The following PSEN1 variants were observed in gnomAD, a reference collection of about 807,000 sequenced individuals.
PSEN1 encodes presenilin 1, also known as presenilin-1.
A neutral mutation model predicts 53.5 loss-of-function variants in PSEN1; 15 were observed. The ratio of observed to expected loss-of-function variants is 0.28; its 90% confidence interval spans 0.19 to 0.43. PSEN1 has a LOEUF of 0.43. Among genes scored for constraint, PSEN1 ranks in the 20% least tolerant of loss-of-function variants. The probability of loss-of-function intolerance (pLI) is 1.00; values close to 1 mark genes in which losing one functional copy is unlikely to be tolerated. For synonymous variants in PSEN1, 208 were observed against 209.8 expected (o/e 0.99, Z 0.08); for missense variants, 387 against 571.2 (o/e 0.68, Z 3.29).
At chr14:73,178,311 C>T (rs1259187727) in intron 5 of PSEN1, among the ~76,000 whole-genome samples, 1 of 151,392 alleles carries the variant, frequency 6.6e-6, no homozygotes, top group African/African-American at 2.4e-5. Flanking sequence ...CCTCAGCCTC[C>T]CAAGTACCTG....
chr14:73,179,043 T>G lies in PSEN1; in HGVS notation c.480+5336T>G, dbSNP rs867911808. Among the ~76,000 whole-genome samples the G allele has an allele frequency of 3.3e-5, 5 of 152,296 alleles. No homozygotes were observed. In the South Asian group the frequency reaches 1.0e-3, roughly 32 times the overall value. The stretch of plus-strand genomic sequence containing the variant: ...CAAGTTTATAAACAGCTTTAAGAGA[T>G]TGCTTTCATGAGTTTCTTTCTTTCT... On this transcript the variant is annotated intron_variant, in intron 5 of 11. Transcript: ENST00000324501.
intron 9 of PSEN1, 66 bp downstream of exon 9, chr14:73,206,538 C>A: frequency 1.8e-6 from 2 of 1,111,116 alleles, no homozygotes; most frequent in Non-Finnish European, 2.7e-6. Context: ...AACAGTATAG[C>A]AATGTTTTTA....
chr14:73,213,398 C>G (rs3025787), intron 10 of PSEN1, among the ~76,000 whole-genome samples: 10,577 of 152,014 alleles, frequency 0.07, 532 homozygotes, highest in South Asian at 0.19. Context: ...TCCTCCTCTT[C>G]GTCTCCAACT....
intron 10 of PSEN1, among the ~76,000 whole-genome samples, chr14:73,215,970 C>G (rs1899896110): frequency 6.6e-6 from 1 of 152,160 alleles, no homozygotes; most frequent in Non-Finnish European, 1.5e-5. Context: ...GAAATGAAAA[C>G]AGTCCGTCCC....
At chr14:73,179,508 T>C (rs1220004871) in intron 5 of PSEN1, among the ~76,000 whole-genome samples, 1 of 151,896 alleles carries the variant, frequency 6.6e-6, no homozygotes, top group East Asian at 1.9e-4. Flanking sequence ...TTCCAGTTAC[T>C]CAGGAGGCTG....
At chr14:73,151,708 C>T (rs547011941) in intron 3 of PSEN1, among the ~76,000 whole-genome samples, 1 of 151,574 alleles carries the variant, frequency 6.6e-6, no homozygotes, top group South Asian at 2.1e-4. Context: ...GCTGGGACCA[C>T]AGGCTCATGC....
At chr14:73,162,197 A>G (rs1174243564) in intron 3 of PSEN1, among the ~76,000 whole-genome samples, 1 of 150,864 alleles carries the variant, frequency 6.6e-6, no homozygotes, top group Non-Finnish European at 1.5e-5. Context: ...AAAAAAAGTT[A>G]AATAGAAAAA....
intron 5 of PSEN1, among the ~76,000 whole-genome samples, chr14:73,185,014 C>T (rs1273077076): frequency 8.6e-5 from 13 of 151,378 alleles, no homozygotes; most frequent in Non-Finnish European, 1.3e-4. Flanking sequence ...GATGGGCGGC[C>T]GGGCAGAGAC....
At chr14:73,140,364 C>A (rs1459522410) in intron 1 of PSEN1, among the ~76,000 whole-genome samples, 1 of 151,788 alleles carries the variant, frequency 6.6e-6, no homozygotes, top group Non-Finnish European at 1.5e-5. Context: ...GCGTGTGCCA[C>A]CACACTGGGC....
chr14:73,182,796 G>A (rs1194305622), intron 5 of PSEN1, among the ~76,000 whole-genome samples: 2 of 152,088 alleles, frequency 1.3e-5, no homozygotes, highest in Non-Finnish European at 2.9e-5. Context: ...CCAAGACCAT[G>A]CTACTGCACT....
chr14:73,181,449 A>G (rs1019787489), intron 5 of PSEN1, among the ~76,000 whole-genome samples: 4 of 152,114 alleles, frequency 2.6e-5, no homozygotes, highest in African/African-American at 9.7e-5. Flanking sequence ...AAATCAATCA[A>G]TCAATCAGTC....
At chr14:73,169,958 A>G (rs1281518784) in intron 3 of PSEN1, among the ~76,000 whole-genome samples, 9 of 152,164 alleles carry the variant, frequency 5.9e-5, no homozygotes, top group Admixed American at 5.9e-4. Flanking sequence ...ATGCTAAACA[A>G]GGGGTGGATT....
At chr14:73,210,410 G>A (rs1165602626) in intron 9 of PSEN1, among the ~76,000 whole-genome samples, 1 of 152,196 alleles carries the variant, frequency 6.6e-6, no homozygotes, top group African/African-American at 2.4e-5. Flanking sequence ...AGTTACATTT[G>A]CGTGCACTAA....
intron 1 of PSEN1, among the ~76,000 whole-genome samples, chr14:73,141,093 T>A (rs781530411): frequency 1.3e-4 from 20 of 152,224 alleles, no homozygotes; most frequent in Admixed American, 6.5e-4. Context: ...TCTGCTAAGA[T>A]TGCATTGACC....
At position 73,193,092 on chromosome 14, in the gene PSEN1, C is replaced by T. The variant is rs964821700; in HGVS notation, c.769+228C>T. On this transcript the variant is annotated intron_variant, in intron 7 of 11. Transcript: ENST00000324501. ...TTGGGAGGCTGAGGCGGGCAGATCACCTAAGCCCAGAGTTCAAGACCAGCC... is the reference window on the plus strand; with the variant it reads ...TTGGGAGGCTGAGGCGGGCAGATCATCTAAGCCCAGAGTTCAAGACCAGCC... Among the ~76,000 whole-genome samples the T allele has an allele frequency of 6.8e-4, 103 of 151,900 alleles. 4 individuals carry two copies. The highest frequency in any genetic ancestry group is 1.5e-5 in the Non-Finnish European group (1 of 67,944).
chr14:73,151,278 T>C (rs942540463), intron 3 of PSEN1, among the ~76,000 whole-genome samples: 1 of 152,202 alleles, frequency 6.6e-6, no homozygotes, highest in Admixed American at 6.5e-5. Context: ...GGTTCCAGTT[T>C]TTCACAATAA....
chr14:73,176,885 A>G (rs1265453654), intron 5 of PSEN1, among the ~76,000 whole-genome samples: 2 of 152,168 alleles, frequency 1.3e-5, no homozygotes, highest in Non-Finnish European at 2.9e-5. Flanking sequence ...ATTACGTAAG[A>G]TTCCTCTCAA....
intron 3 of PSEN1, among the ~76,000 whole-genome samples, chr14:73,150,610 G>A (rs115123722): frequency 0.12 from 17,249 of 149,478 alleles, 1,145 homozygotes; most frequent in African/African-American, 0.2. Flanking sequence ...AAAAAAAAAT[G>A]CAAAATTTAG....
At chr14:73,162,431 TCTCG>T (rs907049052) in intron 3 of PSEN1, among the ~76,000 whole-genome samples, 4 of 147,560 alleles carry the variant, frequency 2.7e-5, no homozygotes, top group South Asian at 4.5e-4. Context: ...TCGTTCTCTC[TCTCG>T]CTCGCTCGCG....
Sources: allele counts gnomAD v4.1 joint callset (sites outside exome capture counted in the v4.1 genomes callset), GRCh38; gene constraint gnomAD v4.1.1; transcripts MANE v1.5; gene names NCBI Gene and HGNC (gene_info 2026-07-23, HGNC 2026-07-21).